GRM8: variants seen among roughly 807,000 people sequenced by gnomAD.
The protein encoded by GRM8 is metabotropic glutamate receptor 8.
In GRM8, 47 loss-of-function variants were observed where a neutral mutation model predicts 87.2. The ratio of observed to expected loss-of-function variants is 0.54; its 90% CI spans 0.43 to 0.69. GRM8 has a LOEUF of 0.69. Among genes scored for constraint, GRM8 ranks in the 30% least tolerant of loss-of-function variants. GRM8 has a pLI of 0.00. For synonymous variants in GRM8, 396 were observed against 404.5 expected (o/e 0.98, Z 0.25); for missense variants, 1,019 against 1,139.2 (o/e 0.89, Z 1.52).
intron 2 of GRM8, among the ~76,000 whole-genome samples, chr7:127,225,551 G>A (rs1178286988): frequency 6.6e-6 from 1 of 151,674 alleles, no homozygotes; most frequent in Non-Finnish European, 1.5e-5. Flanking sequence ...TCAGGGGGAA[G>A]AAAGAAACGC....
intron 3 of GRM8, chr7:127,076,045 C>T (rs536437817): frequency 6.3e-5 from 26 of 415,306 alleles, no homozygotes; most frequent in South Asian, 4.1e-4. Context: ...GTTTGATATG[C>T]TTAGTCTTGT....
At chr7:126,882,565 G>A (rs1257631925) in intron 6 of GRM8, among the ~76,000 whole-genome samples, 2 of 151,948 alleles carry the variant, frequency 1.3e-5, no homozygotes, top group Non-Finnish European at 2.9e-5. Flanking sequence ...AAGCTAAGAG[G>A]AGAACATTTA....
intron 3 of GRM8, among the ~76,000 whole-genome samples, chr7:126,945,108 T>C (rs1219186256): frequency 6.6e-6 from 1 of 152,120 alleles, no homozygotes; most frequent in Non-Finnish European, 1.5e-5. Context: ...ATTACATGTG[T>C]AGATGTTTAC....
intron 8 of GRM8, among the ~76,000 whole-genome samples, chr7:126,561,123 A>G (rs1462255444): frequency 6.6e-6 from 1 of 152,176 alleles, no homozygotes; most frequent in Non-Finnish European, 1.5e-5. Flanking sequence ...GGTTAACCAT[A>G]ATTGCCATTA....
intron 7 of GRM8, among the ~76,000 whole-genome samples, chr7:126,674,671 T>C (rs1469993098): frequency 6.6e-6 from 1 of 152,082 alleles, no homozygotes; most frequent in Non-Finnish European, 1.5e-5. Flanking sequence ...GAATATCATG[T>C]AGCCCCCAGA....
intron 3 of GRM8, among the ~76,000 whole-genome samples, chr7:127,044,887 T>G (rs1818781780): frequency 6.6e-6 from 1 of 152,224 alleles, no homozygotes; most frequent in Non-Finnish European, 1.5e-5. Flanking sequence ...TAGCAAAACC[T>G]ACATATCCAC....
At chr7:126,701,553 T>C (rs1023043651) in intron 7 of GRM8, among the ~76,000 whole-genome samples, 1 of 152,140 alleles carries the variant, frequency 6.6e-6, no homozygotes, top group African/African-American at 2.4e-5. Flanking sequence ...TCTAGTAAAC[T>C]CTCCCAGTGA....
At chr7:127,072,674 G>A (rs182763334) in intron 3 of GRM8, among the ~76,000 whole-genome samples, 105 of 149,138 alleles carry the variant, frequency 7.0e-4, no homozygotes, top group African/African-American at 2.4e-3. Context: ...CACACAAATC[G>A]GGGCACTTAA....
At chr7:127,013,974 G>C (rs1008209136) in intron 3 of GRM8, among the ~76,000 whole-genome samples, 1 of 152,166 alleles carries the variant, frequency 6.6e-6, no homozygotes, top group Non-Finnish European at 1.5e-5. Context: ...ATCTCATAAG[G>C]TGGCTGAAAG....
chr7:126,537,303 T>C (rs1225106384), intron 8 of GRM8, among the ~76,000 whole-genome samples: 1 of 152,234 alleles, frequency 6.6e-6, no homozygotes, highest in Non-Finnish European at 1.5e-5. Flanking sequence ...GACTTAATTT[T>C]CATCAAGGAA....
chr7:127,024,382 T>C, intron 3 of GRM8, among the ~76,000 whole-genome samples: 1 of 151,988 alleles, frequency 6.6e-6, no homozygotes, highest in Non-Finnish European at 1.5e-5. Context: ...CCATCAGGGG[T>C]TTCCACTGTT....
At chr7:127,006,421 G>C (rs956642301) in intron 3 of GRM8, among the ~76,000 whole-genome samples, 10 of 151,900 alleles carry the variant, frequency 6.6e-5, no homozygotes, top group Non-Finnish European at 1.5e-4. Context: ...TGCCCCTTCA[G>C]CTTCCGTCCA....
At chr7:126,599,384 T>G (rs1322344535) in intron 8 of GRM8, among the ~76,000 whole-genome samples, 1 of 152,140 alleles carries the variant, frequency 6.6e-6, no homozygotes, top group Non-Finnish European at 1.5e-5. Context: ...CGGTTATACA[T>G]TATCTCAGTT....
chr7:126,606,711 C>G (rs772446828), intron 8 of GRM8, among the ~76,000 whole-genome samples: 1 of 152,192 alleles, frequency 6.6e-6, no homozygotes, highest in East Asian at 1.9e-4. Context: ...ACCCGCAACG[C>G]TATCTAGTTA....
intron 7 of GRM8, among the ~76,000 whole-genome samples, chr7:126,745,329 G>A (rs1472817428): frequency 1.3e-5 from 2 of 150,864 alleles, no homozygotes; most frequent in Non-Finnish European, 3.0e-5. Flanking sequence ...GAAGAAACCA[G>A]GACACAGTTT....
At chr7:127,179,386 C>A (rs1276691466) in intron 2 of GRM8, among the ~76,000 whole-genome samples, 1 of 151,794 alleles carries the variant, frequency 6.6e-6, no homozygotes, top group Admixed American at 6.6e-5. Flanking sequence ...AATGAGATAG[C>A]AACACAATAA....
chr7:126,749,217 C>T (rs1816095794), intron 7 of GRM8, among the ~76,000 whole-genome samples: 1 of 152,078 alleles, frequency 6.6e-6, no homozygotes, highest in Non-Finnish European at 1.5e-5. Context: ...GGAGAGGTTG[C>T]AGTGGGCCAA....
intron 6 of GRM8, among the ~76,000 whole-genome samples, chr7:126,772,037 TTC>T (rs1818899239): frequency 6.6e-6 from 1 of 152,156 alleles, no homozygotes; most frequent in Admixed American, 6.6e-5. Flanking sequence ...CCCTTTCCAC[TTC>T]TGCCTAAAAT....
intron 8 of GRM8, among the ~76,000 whole-genome samples, chr7:126,587,866 T>C (rs1342134295): frequency 6.7e-6 from 1 of 149,076 alleles, no homozygotes; most frequent in Non-Finnish European, 1.5e-5. Flanking sequence ...AAAAATAATA[T>C]CTGAAGAGTT....
Sources: allele counts gnomAD v4.1 joint callset (sites outside exome capture counted in the v4.1 genomes callset), GRCh38; gene constraint gnomAD v4.1.1; transcripts MANE v1.5; gene names NCBI Gene and HGNC (gene_info 2026-07-23, HGNC 2026-07-21).